Variants in PCLO observed in about 807,000 individuals in gnomAD.
PCLO encodes the protein protein piccolo.
Under a neutral mutation model 427.5 loss-of-function variants are expected in PCLO, and 82 were observed. That is an observed-to-expected ratio of 0.19 (90% CI 0.16 to 0.23). PCLO has a LOEUF of 0.23. Ranked by LOEUF, PCLO falls within the 10% of genes least tolerant of loss-of-function variation. The probability of loss-of-function intolerance (pLI) is 1.00; values close to 1 mark genes in which losing one functional copy is unlikely to be tolerated. For missense variants in PCLO, 6,239 were observed against 6,115.9 expected (o/e 1.02, Z -0.67); for synonymous variants, 2,357 against 2,155.4 (o/e 1.09, Z -2.59).
At chr7:82,768,849 A>C (rs1051319834) in intron 22 of PCLO, among the ~76,000 whole-genome samples, 3 of 152,158 alleles carry the variant, frequency 2.0e-5, no homozygotes, top group African/African-American at 4.8e-5. Context: ...ATATGCATAC[A>C]TTTGTACACA....
chr7:82,812,284 A>G (rs887486875), intron 20 of PCLO, among the ~76,000 whole-genome samples: 8 of 151,630 alleles, frequency 5.3e-5, no homozygotes, highest in Admixed American at 1.3e-4. Context: ...TAATCGTATA[A>G]AACAATGTAA....
At chr7:82,775,958 CT>C (rs1425704455) in intron 22 of PCLO, among the ~76,000 whole-genome samples, 1 of 151,954 alleles carries the variant, frequency 6.6e-6, no homozygotes. Context: ...AGATAAAATA[CT>C]TTTTAGTTTT....
intron 10 of PCLO, among the ~76,000 whole-genome samples, chr7:82,878,766 A>G (rs1020357430): frequency 4.6e-5 from 7 of 152,244 alleles, no homozygotes; most frequent in African/African-American, 1.4e-4. Flanking sequence ...GTAAAGGGCC[A>G]GGAGTAAATA....
Position 83,128,606 on chromosome 7 carries a change from C to CA in PCLO, c.3300+5643dup, listed in dbSNP as rs372648301. Among the ~76,000 whole-genome samples, 24 of 151,438 alleles carry CA rather than the reference C, an allele frequency of 1.6e-4. 1 individual carries two copies. Among genetic ancestry groups the CA allele is most frequent in the African/African-American group, 3.4e-4 (14 of 41,324 alleles). ...AATAATTCAATTTCTGGGAATGTAA[C>CA]AAAAAAAAGACTATACAGAAAAGAT... is the stretch of plus-strand genomic sequence containing the variant. On this transcript the variant is annotated intron_variant, in intron 3 of 24. Transcript: ENST00000333891.
At chr7:82,892,064 C>T (rs1051755827) in intron 9 of PCLO, among the ~76,000 whole-genome samples, 12 of 151,874 alleles carry the variant, frequency 7.9e-5, no homozygotes, top group South Asian at 6.2e-4. Flanking sequence ...TTCACATAAT[C>T]GGAAAAAACT....
intron 3 of PCLO, among the ~76,000 whole-genome samples, chr7:83,065,497 G>C (rs1235137834): frequency 8.5e-6 from 1 of 117,486 alleles, no homozygotes; most frequent in Admixed American, 8.5e-5. Flanking sequence ...AGCTCAAAAT[G>C]TAAAAAAAAA....
intron 3 of PCLO, among the ~76,000 whole-genome samples, chr7:83,107,726 C>G (rs924220924): frequency 2.0e-4 from 6 of 30,746 alleles, no homozygotes; most frequent in African/African-American, 3.4e-4. Context: ...TGCGGTGGCT[C>G]ACGCCTATAA....
chr7:82,758,543 G>T lies in PCLO; in HGVS notation c.*32C>A, dbSNP rs1232797470. On this transcript the variant is annotated 3_prime_UTR_variant, in exon 25 of 25. Coordinates refer to ENST00000333891, the MANE Select transcript of PCLO (RefSeq NM_033026.6). The stretch of plus-strand genomic sequence containing the variant: ...TAGTCTTGATGTGAGGCTATTTAGA[G>T]CAGTTTCTATACCCTGAGAAGACAT... 1.3e-6 allele frequency: 2 copies of T among 1,585,330 alleles called. No individual in the cohort carries two copies. The highest frequency in any genetic ancestry group is 1.7e-6 in the Non-Finnish European group (2 of 1,164,958).
At chr7:83,062,914 A>G (rs1348301430) in intron 3 of PCLO, among the ~76,000 whole-genome samples, 4 of 152,038 alleles carry the variant, frequency 2.6e-5, no homozygotes, top group Non-Finnish European at 5.9e-5. Flanking sequence ...ATTCAATTGG[A>G]TTTTCTGACT....
At chr7:82,886,062 T>G (rs1436008033) in intron 9 of PCLO, among the ~76,000 whole-genome samples, 1 of 151,940 alleles carries the variant, frequency 6.6e-6, no homozygotes, top group Non-Finnish European at 1.5e-5. Flanking sequence ...AACCAAATAA[T>G]AAAAGAGAAA....
chr7:82,761,080 G>A (rs1397598537), intron 23 of PCLO, among the ~76,000 whole-genome samples: 1 of 149,526 alleles, frequency 6.7e-6, no homozygotes, highest in Non-Finnish European at 1.5e-5. Flanking sequence ...TCTACATAGA[G>A]GGACTACAGG....
chr7:83,063,397 C>T (rs1256582729), intron 3 of PCLO, among the ~76,000 whole-genome samples: 1 of 152,002 alleles, frequency 6.6e-6, no homozygotes, highest in East Asian at 1.9e-4. Flanking sequence ...TGATTTTTGA[C>T]TTAACAATGG....
chr7:83,143,655 A>C (rs1319465001), intron 2 of PCLO, among the ~76,000 whole-genome samples: 5 of 152,042 alleles, frequency 3.3e-5, no homozygotes, highest in South Asian at 2.1e-4. Context: ...AAAAAAAAAA[A>C]AAAAAACCTG....
Position 82,956,440 on chromosome 7 carries a change from T to C in PCLO, c.4513A>G (p.Thr1505Ala), listed in dbSNP as rs764748863. 1.5e-5 allele frequency: 24 copies of C among 1,613,656 alleles called. No individual in the cohort carries two copies. The Admixed American group carries it at 2.3e-4, about 16-fold the overall frequency. ...ACTGAATCATAAGGCTCTCTTCTAG[T>C]AGTTATGTCATCAACAAACTCAGAC... The part of the protein sequence containing the change: ...EKSEFVDDIT[T>A]RREPYDSVEE... The change falls in exon 5 of 25, where the codon ACT (threonine) becomes GCT (alanine). Residue 1505 changes from threonine to alanine, a missense_variant. By Grantham distance (58) the Thr-to-Ala change is moderately conservative (BLOSUM62 0). Coordinates refer to ENST00000333891, the MANE Select transcript of PCLO (RefSeq NM_033026.6).
intron 3 of PCLO, among the ~76,000 whole-genome samples, chr7:82,967,985 G>A (rs1228934920): frequency 6.6e-6 from 1 of 152,118 alleles, no homozygotes; most frequent in African/African-American, 2.4e-5. Context: ...TTATCTTAAA[G>A]TATTTAGATA....
chr7:83,028,980 C>T (rs1236483017), intron 3 of PCLO, among the ~76,000 whole-genome samples: 4 of 152,008 alleles, frequency 2.6e-5, no homozygotes, highest in Non-Finnish European at 5.9e-5. Flanking sequence ...AAGACTTAAA[C>T]GTCAGACCTA....
chr7:83,000,737 C>A (rs569389873), intron 3 of PCLO, among the ~76,000 whole-genome samples: 1 of 151,946 alleles, frequency 6.6e-6, no homozygotes, highest in African/African-American at 2.4e-5. Flanking sequence ...CAGGGGTTGA[C>A]GACCTCAGCT....
chr7:82,795,716 T>A (rs1292016829), intron 22 of PCLO, among the ~76,000 whole-genome samples: 1 of 152,164 alleles, frequency 6.6e-6, no homozygotes, highest in African/African-American at 2.4e-5. Context: ...AATTATTCCA[T>A]ATCTATATCT....
chr7:83,124,182 T>C (rs1791364495), intron 3 of PCLO, among the ~76,000 whole-genome samples: 1 of 150,042 alleles, frequency 6.7e-6, no homozygotes, highest in Non-Finnish European at 1.5e-5. Flanking sequence ...CCGGGTGCAG[T>C]GGCGGGCGCC....
Sources: allele counts gnomAD v4.1 joint callset (sites outside exome capture counted in the v4.1 genomes callset), GRCh38; gene constraint gnomAD v4.1.1; transcripts MANE v1.5; gene names NCBI Gene and HGNC (gene_info 2026-07-23, HGNC 2026-07-21).